Variants in GALNT17 observed in about 807,000 individuals in gnomAD.
GALNT17 encodes the protein polypeptide N-acetylgalactosaminyltransferase 17, also known as UDP-GalNAc:polypeptide N-acetylgalactosaminyltransferase-like 3.
Under a neutral mutation model 63.7 loss-of-function variants are expected in GALNT17, and 29 were observed. That is an observed-to-expected ratio of 0.46 (90% CI 0.34 to 0.62). GALNT17 has a LOEUF of 0.62. Among genes scored for constraint, GALNT17 ranks in the 20% least tolerant of loss-of-function variants. The pLI is 0.01. For synonymous variants in GALNT17, 305 were observed against 318.3 expected (o/e 0.96, Z 0.45); for missense variants, 603 against 799.6 (o/e 0.75, Z 2.97).
intron 1 of GALNT17, among the ~76,000 whole-genome samples, chr7:71,235,010 G>A (rs1361262545): frequency 6.6e-6 from 1 of 152,104 alleles, no homozygotes; most frequent in Non-Finnish European, 1.5e-5. Flanking sequence ...TAGCACTTTG[G>A]GAGGCTGAGG....
At chr7:71,659,370 G>T (rs1249446032) in intron 6 of GALNT17, among the ~76,000 whole-genome samples, 4 of 152,182 alleles carry the variant, frequency 2.6e-5, no homozygotes, top group African/African-American at 9.7e-5. Context: ...TGGTTCTTCT[G>T]CTCCACATGG....
At chr7:71,175,564 G>A (rs1023618808) in intron 1 of GALNT17, among the ~76,000 whole-genome samples, 2 of 152,182 alleles carry the variant, frequency 1.3e-5, no homozygotes, top group African/African-American at 4.8e-5. Context: ...AGAAGGAAGG[G>A]AATGGAGTTT....
intron 6 of GALNT17, among the ~76,000 whole-genome samples, chr7:71,592,529 A>AGC (rs1789819531): frequency 1.2e-5 from 1 of 80,570 alleles, no homozygotes; most frequent in African/African-American, 5.6e-5. Flanking sequence ...AATAAAATAA[A>AGC]ATAAAATAAA....
Position 71,186,169 on chromosome 7 carries a change from C to G in GALNT17, c.238+53129C>G, listed in dbSNP as rs533584985. Among the ~76,000 whole-genome samples the G allele has an allele frequency of 9.2e-5, 14 of 152,286 alleles. 1 individual carries two copies. Among genetic ancestry groups the G allele is most frequent in the African/African-American group, 3.4e-4 (14 of 41,572 alleles). On this transcript the variant is annotated intron_variant, in intron 1 of 10. Transcript: ENST00000333538. The stretch of plus-strand genomic sequence containing the variant: ...AAGGAGGATTCTGCTCTTTATGGGT[C>G]TTTTAGCCCTTAAATTAATATTTTC...
intron 10 of GALNT17, among the ~76,000 whole-genome samples, 171 bp from the exon 11 acceptor site, chr7:71,711,847 C>T (rs76479729): frequency 0.02 from 2,953 of 150,976 alleles, 112 homozygotes; most frequent in African/African-American, 0.068. Context: ...TCTCTCTCTC[C>T]TCTTTCTGTC....
rs145549757 is a variant in GALNT17, at chr7:71,300,791, T to C, written c.239-34759T>C. ...GTTTGCACAGCCGAGGCCTGCAGGG[T>C]ACATTCCAGAGGTGGACTTGGGGCT... On this transcript the variant is annotated intron_variant, in intron 1 of 10. Transcript: ENST00000333538. 555 of 179,048 alleles carry C rather than the reference T, an allele frequency of 3.1e-3. 4 individuals carry two copies. The highest frequency in any genetic ancestry group is 0.013 in the African/African-American group (535 of 42,018). The allele number at this position is 179,048 out of a possible 1,614,324, so 11.1% of individuals were successfully genotyped here.
intron 6 of GALNT17, among the ~76,000 whole-genome samples, chr7:71,577,623 G>A (rs1042030650): frequency 1.2e-4 from 18 of 152,262 alleles, no homozygotes; most frequent in African/African-American, 4.3e-4. Context: ...ACCAGGAAGC[G>A]ATTCAGACTC....
In GALNT17 at chr7:71,569,058, A is replaced by G. The variant is rs1468282588; in HGVS notation, c.963-2227A>G. Among the ~76,000 whole-genome samples the G allele has an allele frequency of 2.6e-5, 4 of 152,014 alleles. No individual in the cohort carries two copies. In the East Asian group the frequency reaches 5.8e-4, roughly 22 times the overall value. ...GCGATCTCAGCTCACTGTAACCTCT[A>G]CCTCCCAGGTTCAAGTGATTCTCCT... On this transcript the variant is annotated intron_variant, in intron 5 of 10. Coordinates refer to ENST00000333538, the MANE Select transcript of GALNT17 (RefSeq NM_022479.3).
intron 5 of GALNT17, among the ~76,000 whole-genome samples, chr7:71,530,347 C>T (rs567358895): frequency 2.0e-5 from 3 of 152,078 alleles, no homozygotes; most frequent in Admixed American, 6.6e-5. Context: ...CACACACACA[C>T]GCACACACAC....
At chr7:71,247,667 G>A (rs1433231943) in intron 1 of GALNT17, among the ~76,000 whole-genome samples, 1 of 152,060 alleles carries the variant, frequency 6.6e-6, no homozygotes, top group African/African-American at 2.4e-5. Flanking sequence ...ACATTGGCCA[G>A]GTTGGTCTCG....
At chr7:71,151,360 G>A (rs542314193) in intron 1 of GALNT17, among the ~76,000 whole-genome samples, 2 of 152,260 alleles carry the variant, frequency 1.3e-5, no homozygotes, top group African/African-American at 2.4e-5. Flanking sequence ...GGTGGCTCAC[G>A]CCTGTAGTCC....
intron 6 of GALNT17, among the ~76,000 whole-genome samples, chr7:71,616,821 AATC>A (rs1438567409): frequency 7.6e-5 from 7 of 92,648 alleles, no homozygotes; most frequent in African/African-American, 2.6e-4. Flanking sequence ...TTAATTATAT[AATC>A]ATATTATATA....
At chr7:71,302,514 C>T (rs1235303853) in intron 1 of GALNT17, among the ~76,000 whole-genome samples, 4 of 151,956 alleles carry the variant, frequency 2.6e-5, no homozygotes, top group African/African-American at 2.4e-5. Context: ...AAGATACTAG[C>T]GTACATGTGC....
intron 5 of GALNT17, among the ~76,000 whole-genome samples, chr7:71,545,151 G>A (rs887706980): frequency 2.0e-5 from 3 of 152,006 alleles, no homozygotes; most frequent in African/African-American, 4.8e-5. Context: ...CTTATCTCTC[G>A]TCCCCTCTGT....
chr7:71,282,946 G>T (rs781327768), intron 1 of GALNT17, among the ~76,000 whole-genome samples: 2 of 151,828 alleles, frequency 1.3e-5, no homozygotes, highest in Non-Finnish European at 2.9e-5. Flanking sequence ...GGGGTTCTGA[G>T]AGTGAGCAGG....
rs780622266 is a variant in GALNT17 at position 71,665,480 on chromosome 7, A to C, written c.1150A>C (p.Lys384Gln). ...SRVAHIERKK[K>Q]PYNSNIGFYT... ...GGTGGCCCACATTGAGCGGAAGAAGAAGCCATATAATAGCAACATTGGCTT... is the reference window on the plus strand; with the variant it reads ...GGTGGCCCACATTGAGCGGAAGAAGCAGCCATATAATAGCAACATTGGCTT... Residue 384 changes from lysine to glutamine, a missense_variant, in exon 7 of 11, where the codon AAG (lysine) becomes CAG (glutamine). Physicochemically the swap from Lys to Gln is moderately conservative, Grantham distance 53. Transcript: ENST00000333538. The C allele has an allele frequency of 6.8e-6, 11 of 1,613,630 alleles. No homozygotes were observed. Among genetic ancestry groups the C allele is most frequent in the Admixed American group, 1.7e-5 (1 of 59,982 alleles).
chr7:71,261,128 A>C (rs1448348267), intron 1 of GALNT17, among the ~76,000 whole-genome samples: 1 of 152,148 alleles, frequency 6.6e-6, no homozygotes, highest in Non-Finnish European at 1.5e-5. Flanking sequence ...TTATATCAGA[A>C]AATCTGGGTG....
chr7:71,160,049 T>A (rs1297970132), intron 1 of GALNT17, among the ~76,000 whole-genome samples: 1 of 152,126 alleles, frequency 6.6e-6, no homozygotes, highest in Non-Finnish European at 1.5e-5. Context: ...CCTCCCAAAG[T>A]GTTGTGATTA....
intron 5 of GALNT17, among the ~76,000 whole-genome samples, chr7:71,525,262 G>T (rs1299231372): frequency 6.6e-6 from 1 of 152,028 alleles, no homozygotes. Context: ...TGCAACCTCC[G>T]CCTCCCGGGT....
Sources: allele counts gnomAD v4.1 joint callset (sites outside exome capture counted in the v4.1 genomes callset), GRCh38; gene constraint gnomAD v4.1.1; transcripts MANE v1.5; gene names NCBI Gene and HGNC (gene_info 2026-07-23, HGNC 2026-07-21).